The following ZKSCAN5 variants were observed in gnomAD, a reference collection of about 807,000 sequenced individuals.
ZKSCAN5 encodes the protein zinc finger protein with KRAB and SCAN domains 5.
A neutral mutation model predicts 60.0 loss-of-function variants in ZKSCAN5; 28 were observed. That is an observed-to-expected ratio of 0.47 (90% confidence interval 0.35 to 0.64). ZKSCAN5 has a LOEUF of 0.64. ZKSCAN5 is among the 30% of genes least tolerant of loss of function. The pLI, the probability that ZKSCAN5 is intolerant of heterozygous loss-of-function variation, is 0.01. For synonymous variants in ZKSCAN5, 361 were observed against 371.2 expected (o/e 0.97, Z 0.31); for missense variants, 881 against 1,034.6 (o/e 0.85, Z 2.04).
rs558227230 is a variant in ZKSCAN5, at chr7:99,509,753, A to G, written c.415-2700A>G. Among the ~76,000 whole-genome samples the G allele has an allele frequency of 1.5e-4, 23 of 152,300 alleles. No homozygotes were observed. The South Asian group carries it at 4.8e-3, about 32-fold the overall frequency. On this transcript the variant is annotated intron_variant, in intron 2 of 6. Transcript: ENST00000326775. ...AGTGCTGGGATTACAGGTGTAAGCC[A>G]CTGTGCCCGGCCACAGCATATATTT...
intron 6 of ZKSCAN5, among the ~76,000 whole-genome samples, chr7:99,529,422 C>T (rs1277479056): frequency 6.6e-6 from 1 of 152,198 alleles, no homozygotes; most frequent in East Asian, 1.9e-4. Flanking sequence ...ATTATAGGCA[C>T]GAGTCACCAC....
rs114763597 is a variant in ZKSCAN5 at position 99,533,883 on chromosome 7, G to A, written c.*1634G>A. ...GAGAACCTGATCTAAGACATTTGGTGCCACAAGTGGTCATAGGAAGCTGCT... is the reference window on the plus strand; with the variant it reads ...GAGAACCTGATCTAAGACATTTGGTACCACAAGTGGTCATAGGAAGCTGCT... On this transcript the variant is annotated 3_prime_UTR_variant, in exon 7 of 7. Transcript: ENST00000326775. 6.7e-3 allele frequency: 2,293 copies of A among 340,974 alleles called. 43 individuals are homozygous for A. Among genetic ancestry groups the A allele is most frequent in the African/African-American group, 0.044 (2,103 of 47,462 alleles). 21.1% of individuals were successfully genotyped at this position (340,974 alleles called of 1,614,324 possible).
intron 5 of ZKSCAN5, 23 bp downstream of exon 5, chr7:99,520,327 G>A (rs1186362409): frequency 6.3e-7 from 1 of 1,585,484 alleles, no homozygotes; most frequent in Non-Finnish European, 8.5e-7. Flanking sequence ...TCATCTGCAT[G>A]GATTAGGACA....
Position 99,532,327 on chromosome 7 carries a change from T to C in ZKSCAN5, c.*78T>C. 1 of 1,382,758 alleles carries C rather than the reference T, an allele frequency of 7.2e-7. No individual in the cohort carries two copies. Among genetic ancestry groups the C allele is most frequent in the South Asian group, 1.5e-5 (1 of 64,964 alleles). The allele number at this position is 1,382,758 out of a possible 1,614,324, so 85.7% of individuals were successfully genotyped here. A position where few individuals can be genotyped will look rare whatever the true frequency, so the allele number is the denominator to read the frequency against. On this transcript the variant is annotated 3_prime_UTR_variant, in exon 7 of 7. Coordinates refer to ENST00000326775, the MANE Select transcript of ZKSCAN5 (RefSeq NM_145102.4). ...ATGAGCAAAGTAACAACTTCAAGCA[T>C]TTTTCCAGCGTTACCATCAAACTCA...
chr7:99,528,729 T>A (rs994349300), intron 6 of ZKSCAN5, among the ~76,000 whole-genome samples: 1 of 152,148 alleles, frequency 6.6e-6, no homozygotes, highest in Admixed American at 6.6e-5. Flanking sequence ...TGCCCGGTCC[T>A]CCCTCATTTT....
intron 3 of ZKSCAN5, among the ~76,000 whole-genome samples, chr7:99,517,717 G>T (rs1801328066): frequency 6.6e-6 from 1 of 151,272 alleles, no homozygotes; most frequent in Non-Finnish European, 1.5e-5. Context: ...TGTGGTGGTG[G>T]GCGCCTGTAA....
chr7:99,517,667 C>T (rs1236700697), intron 3 of ZKSCAN5, among the ~76,000 whole-genome samples: 1 of 151,154 alleles, frequency 6.6e-6, no homozygotes, highest in African/African-American at 2.4e-5. Flanking sequence ...GGCAACAGAG[C>T]GAGACTCCAT....
intron 2 of ZKSCAN5, among the ~76,000 whole-genome samples, chr7:99,507,090 T>C (rs903103319): frequency 6.6e-6 from 1 of 152,178 alleles, no homozygotes; most frequent in Non-Finnish European, 1.5e-5. Flanking sequence ...CCAATTTCTC[T>C]CAACTGCCTA....
At chr7:99,511,874 C>A (rs1397837192) in intron 2 of ZKSCAN5, among the ~76,000 whole-genome samples, 1 of 152,210 alleles carries the variant, frequency 6.6e-6, no homozygotes, top group East Asian at 1.9e-4. Context: ...ACTGCAAGCT[C>A]CGCCTCCCAG....
At chr7:99,512,938 T>C (rs1302842521) in intron 3 of ZKSCAN5, among the ~76,000 whole-genome samples, 1 of 151,212 alleles carries the variant, frequency 6.6e-6, no homozygotes, top group Non-Finnish European at 1.5e-5. Flanking sequence ...TAACTCGTCA[T>C]CTAGCATTAG....
chr7:99,520,034 T>C (rs1801456333), intron 4 of ZKSCAN5, 125 bp downstream of exon 4: 1 of 1,494,696 alleles, frequency 6.7e-7, no homozygotes, highest in Non-Finnish European at 9.2e-7. Context: ...CCTTTTTCCT[T>C]TCTGCCTAGT....
intron 2 of ZKSCAN5, among the ~76,000 whole-genome samples, chr7:99,510,499 C>G (rs1207621277): frequency 6.6e-6 from 1 of 151,888 alleles, no homozygotes; most frequent in Non-Finnish European, 1.5e-5. Flanking sequence ...GGCTGGAGTG[C>G]AATGGCACGA....
intron 5 of ZKSCAN5, 149 bp downstream of exon 5, chr7:99,520,453 C>A: frequency 3.5e-6 from 3 of 861,850 alleles, no homozygotes; most frequent in Non-Finnish European, 4.8e-6. Context: ...AATCAGCCTT[C>A]ATTTTTTTTT....
In ZKSCAN5 at chr7:99,532,460, A is replaced by C; in HGVS notation, c.*211A>C. 2.3e-6 allele frequency: 1 copy of C among 432,126 alleles called. No homozygotes were observed. The highest frequency in any genetic ancestry group is 4.0e-6 in the Non-Finnish European group (1 of 249,290). 26.8% of individuals were successfully genotyped at this position (432,126 alleles called of 1,614,324 possible). ...CCCATTGAGAAATGCTTTAGTTAGCATCTTCATGCTTGGAAATCTAGACAA... is the reference window on the plus strand; with the variant it reads ...CCCATTGAGAAATGCTTTAGTTAGCCTCTTCATGCTTGGAAATCTAGACAA... On this transcript the variant is annotated 3_prime_UTR_variant, in exon 7 of 7. Transcript: ENST00000326775.
chr7:99,511,468 G>A (rs1801021788), intron 2 of ZKSCAN5, among the ~76,000 whole-genome samples: 1 of 151,998 alleles, frequency 6.6e-6, no homozygotes, highest in African/African-American at 2.4e-5. Flanking sequence ...TTTTGAGACA[G>A]GGTCTTGCTC....
Position 99,531,707 on chromosome 7 carries a change from T to C in ZKSCAN5, c.1978T>C (p.Ser660Pro). Residue 660 changes from serine to proline, a missense_variant, in exon 7 of 7, where the codon TCC becomes CCC. Ser to Pro is a moderately conservative substitution (Grantham distance 74). This residue lies in a region of ZKSCAN5 where 112 missense variants were observed against 182.4 expected (regional missense o/e 0.61). Coordinates refer to ENST00000326775, the MANE Select transcript of ZKSCAN5 (RefSeq NM_145102.4). ...GHLRLHSREK[S>P]HQCRECGEIF... ...TCTTCGACTCCACTCCCGAGAGAAA[T>C]CCCATCAGTGTCGTGAATGTGGGGA... The C allele has an allele frequency of 6.2e-7, 1 of 1,614,118 alleles. No individual in the cohort carries two copies. The highest frequency in any genetic ancestry group is 1.1e-5 in the South Asian group (1 of 91,072).
At position 99,532,206 on chromosome 7, in the gene ZKSCAN5, C is replaced by G. The variant is rs1802086067; in HGVS notation, c.2477C>G (p.Thr826Arg). Residue 826 changes from threonine (T) to arginine (R), a missense_variant, in exon 7 of 7, where the codon ACA becomes AGA. By Grantham distance (71) the Thr-to-Arg change is moderately conservative. This residue lies in a region of ZKSCAN5 where 138 missense variants were observed against 143.8 expected (regional missense o/e 0.96). Coordinates refer to ENST00000326775, the MANE Select transcript of ZKSCAN5 (RefSeq NM_145102.4). Reference protein sequence around the residue: ...LFKHLRSHERTDPINTLSVEG... With the variant: ...LFKHLRSHERRDPINTLSVEG... The stretch of plus-strand genomic sequence containing the variant: ...AAACACCTGAGAAGCCATGAGAGGA[C>G]AGATCCCATAAATACCTTAAGTGTA... 5 of 1,608,522 alleles carry G rather than the reference C, an allele frequency of 3.1e-6. No individual in the cohort carries two copies. The highest frequency in any genetic ancestry group is 3.4e-6 in the Non-Finnish European group (4 of 1,178,312).
chr7:99,530,194 C>T (rs1052402057), intron 6 of ZKSCAN5, among the ~76,000 whole-genome samples: 17 of 152,104 alleles, frequency 1.1e-4, no homozygotes, highest in Non-Finnish European at 2.1e-4. Flanking sequence ...CCACCATGCC[C>T]AGCTAATTTT....
At chr7:99,517,838 C>T (rs538262844) in intron 3 of ZKSCAN5, among the ~76,000 whole-genome samples, 1 of 135,744 alleles carries the variant, frequency 7.4e-6, no homozygotes, top group South Asian at 2.3e-4. Flanking sequence ...CAGAGTGAGA[C>T]CTTGTCTCAA....
Sources: gnomAD v4.1 joint callset for allele counts (sites outside exome capture counted in the v4.1 genomes callset) on GRCh38, gnomAD v4.1.1 for gene constraint, gnomAD v4.1.1 regional missense constraint, MANE v1.5 for transcripts, NCBI Gene and HGNC (gene_info 2026-07-23, HGNC 2026-07-21) for gene names.